Variants in MTHFSD observed in about 807,000 individuals in gnomAD.
The protein encoded by MTHFSD is methenyltetrahydrofolate synthase domain-containing protein.
MTHFSD carries 37 observed loss-of-function variants against 31.1 expected under a neutral mutation model. That is an observed-to-expected ratio of 1.19 (90% CI 0.91 to 1.56). The LOEUF is 1.56. Among genes scored for constraint, MTHFSD ranks in the 40% most tolerant of loss-of-function variants. The pLI is 0.00. For missense variants in MTHFSD, 664 were observed against 510.1 expected (o/e 1.30, Z -2.91); for synonymous variants, 221 against 206.9 (o/e 1.07, Z -0.59).
intron 7 of MTHFSD, chr16:86,541,169 A>G (rs1188673974): frequency 7.8e-7 from 1 of 1,289,464 alleles, no homozygotes; most frequent in Non-Finnish European, 1.0e-6. Context: ...CCTACTGCAG[A>G]CTAATTTGCA....
intron 2 of MTHFSD, chr16:86,552,400 C>G (rs1298872580): frequency 4.5e-6 from 4 of 889,646 alleles, no homozygotes; most frequent in Admixed American, 3.0e-5. Context: ...CTAACAGTCA[C>G]CCAAAGAAAC....
chr16:86,534,578 TTG>T (rs1265393501), intron 7 of MTHFSD, among the ~76,000 whole-genome samples: 1 of 152,232 alleles, frequency 6.6e-6, no homozygotes, highest in Admixed American at 6.5e-5. Context: ...GTTCAGGCTT[TTG>T]TGTTTTTTTT....
Position 86,548,754 on chromosome 16 carries a change from G to A in MTHFSD, c.238-177C>T, listed in dbSNP as rs114524525. 6.4e-3 allele frequency among the ~76,000 whole-genome samples: 971 copies of A among 152,260 alleles called. 15 individuals are homozygous for A. The highest frequency in any genetic ancestry group is 0.023 in the African/African-American group (936 of 41,556). ...ACCTAATTAAATAATGTGTGGGGTC[G>A]ATTTTTCTTAGAATCACCACTCGGC... On this transcript the variant is annotated intron_variant, in intron 3 of 7. Coordinates refer to ENST00000360900, the MANE Select transcript of MTHFSD (RefSeq NM_001159377.2).
At chr16:86,547,978 C>T in intron 4 of MTHFSD, 1 of 1,197,904 alleles carries the variant, frequency 8.3e-7, no homozygotes, top group Non-Finnish European at 1.1e-6. Flanking sequence ...CTTGGTTTTA[C>T]TAAATTGTGA....
chr16:86,551,040 T>A (rs1374268130), intron 3 of MTHFSD, among the ~76,000 whole-genome samples: 3 of 152,254 alleles, frequency 2.0e-5, no homozygotes, highest in African/African-American at 7.2e-5. Flanking sequence ...ACTCATGTTA[T>A]CAGCTGCGAT....
intron 5 of MTHFSD, among the ~76,000 whole-genome samples, chr16:86,544,273 T>A (rs1382575445): frequency 6.6e-6 from 1 of 152,074 alleles, no homozygotes; most frequent in Non-Finnish European, 1.5e-5. Flanking sequence ...AAAGAAACTA[T>A]CATCAGAGTG....
At position 86,546,624 on chromosome 16, in the gene MTHFSD, A is replaced by G. The variant is rs760747745; in HGVS notation, c.377T>C (p.Ile126Thr). 1.2e-6 allele frequency: 2 copies of G among 1,613,790 alleles called. No individual in the cohort carries two copies. The highest frequency in any genetic ancestry group is 1.7e-5 in the Admixed American group (1 of 59,996). ...CACGAGGACTCTGGAGTCCAAGCCT[A>G]TGGGGACACTGTAGTTCCTCACACC... ...SQGVRNYSVP[I>T]GLDSRVLVDL... is the part of the protein sequence containing the mutation. The change falls in exon 5 of 8, where the codon ATA becomes ACA. Residue 126 changes from isoleucine (I) to threonine (T), a missense_variant. By Grantham distance (89) the Ile-to-Thr change is moderately conservative (BLOSUM62 -1). Transcript: ENST00000360900.
At chr16:86,547,861 T>C (rs1972561215) in intron 4 of MTHFSD, among the ~76,000 whole-genome samples, 1 of 152,218 alleles carries the variant, frequency 6.6e-6, no homozygotes, top group Non-Finnish European at 1.5e-5. Flanking sequence ...AAAAATTAAA[T>C]GACTTGGAGT....
intron 7 of MTHFSD, among the ~76,000 whole-genome samples, chr16:86,538,057 TG>T (rs879336597): frequency 7.2e-5 from 11 of 152,202 alleles, no homozygotes; most frequent in Non-Finnish European, 1.3e-4. Flanking sequence ...CTCTGGTTTG[TG>T]GGTCTGGTGA....
rs1971726547 is a variant in MTHFSD, at chr16:86,542,925, C to T, written c.443-712G>A. ...AAGCTACAATTCCGCTTATGAGAAG[C>T]CTGAGGCACTTCAGAAACTGAGGCC... is the stretch of plus-strand genomic sequence containing the variant. On this transcript the variant is annotated intron_variant, in intron 5 of 7. Transcript: ENST00000360900. The surrounding 1 kb of genome is among the most constrained non-coding windows in gnomAD (Gnocchi z 4.6). Among the ~76,000 whole-genome samples the T allele has an allele frequency of 6.6e-6, 1 of 152,180 alleles. No homozygotes were observed. Among genetic ancestry groups the T allele is most frequent in the African/African-American group, 2.4e-5 (1 of 41,440 alleles).
At chr16:86,545,102 AT>A (rs1260223736) in intron 5 of MTHFSD, among the ~76,000 whole-genome samples, 1 of 152,196 alleles carries the variant, frequency 6.6e-6, no homozygotes, top group African/African-American at 2.4e-5. Flanking sequence ...TAGCTAATGC[AT>A]GCTGGGCTTA....
Position 86,552,053 on chromosome 16 carries a change from C to T in MTHFSD, c.217G>A (p.Val73Ile), listed in dbSNP as rs369108681. ...ATTACCTGCAGCACCAGCAGCCGAA[C>T]GCCTTCCAGTGGTTTATCAGGGTCC... Reference protein sequence around the residue: ...KVDPDKPLEGVRLLVLQSKKT... With the variant: ...KVDPDKPLEGIRLLVLQSKKT... The change falls in exon 3 of 8, where the codon GTT becomes ATT. Residue 73 changes from valine (V) to isoleucine (I), a missense_variant. Val to Ile is a conservative substitution (Grantham distance 29). Coordinates refer to ENST00000360900, the MANE Select transcript of MTHFSD (RefSeq NM_001159377.2). 27 of 1,614,212 alleles carry T rather than the reference C, an allele frequency of 1.7e-5. No homozygotes were observed. The highest frequency in any genetic ancestry group is 2.2e-5 in the East Asian group (1 of 44,882).
At chr16:86,551,536 A>T in intron 3 of MTHFSD, among the ~76,000 whole-genome samples, 1 of 152,252 alleles carries the variant, frequency 6.6e-6, no homozygotes. Context: ...GCATGCCTGA[A>T]TTTAAAAAGT....
intron 5 of MTHFSD, among the ~76,000 whole-genome samples, chr16:86,545,522 G>C (rs1429191931): frequency 6.6e-6 from 1 of 152,002 alleles, no homozygotes; most frequent in Non-Finnish European, 1.5e-5. Context: ...AGGCTGCTGA[G>C]AAGGGGCCGC....
intron 2 of MTHFSD, 66 bp downstream of exon 2, chr16:86,554,579 T>C (rs1381247965): frequency 8.5e-7 from 1 of 1,182,916 alleles, no homozygotes; most frequent in Non-Finnish European, 1.3e-6. Flanking sequence ...GAGAATTTTA[T>C]TACTAGTGTT....
At chr16:86,548,923 G>T (rs1328391336) in intron 3 of MTHFSD, among the ~76,000 whole-genome samples, 1 of 152,132 alleles carries the variant, frequency 6.6e-6, no homozygotes, top group South Asian at 2.1e-4. Flanking sequence ...CAACTTTCCT[G>T]TGCCCCCTCT....
intron 7 of MTHFSD, chr16:86,535,209 G>GGT (rs397824095): frequency 1.0e-6 from 1 of 984,694 alleles, no homozygotes; most frequent in Admixed American, 6.1e-5. Context: ...ATCCGCAGGG[G>GGT]CCGTTAGAAT....
At position 86,550,259 on chromosome 16, in the gene MTHFSD, T is replaced by A. The variant is rs1192551197; in HGVS notation, c.238-1682A>T. On this transcript the variant is annotated intron_variant, in intron 3 of 7. Transcript: ENST00000360900. ...GAACTCAGGGACCACATGTGTGTAG[T>A]CTTGCACCACTACATCCTATGCCCA... Among the ~76,000 whole-genome samples the A allele has an allele frequency of 5.3e-5, 8 of 152,178 alleles. No individual in the cohort carries two copies. In the South Asian group the frequency reaches 1.7e-3, roughly 32 times the overall value.
chr16:86,552,126 T>C lies in MTHFSD; in HGVS notation c.144A>G (p.Gln48=). ...CAAAAACGTCTAGGTCTTTGATGTTTTGGCAAGCCAGATAAGACCCCTAGT... is the reference window on the plus strand; with the variant it reads ...CAAAAACGTCTAGGTCTTTGATGTTCTGGCAAGCCAGATAAGACCCCTAGT... The part of the protein sequence containing the change: ...PNFKGSYLAC[Q]NIKDLDVFAR... The change falls in exon 3 of 8, where the codon CAA becomes CAG. Residue 48 remains glutamine, a synonymous_variant. Coordinates refer to ENST00000360900, the MANE Select transcript of MTHFSD (RefSeq NM_001159377.2). 2 of 1,614,210 alleles carry C rather than the reference T, an allele frequency of 1.2e-6. No homozygotes were observed. The highest frequency in any genetic ancestry group is 1.7e-6 in the Non-Finnish European group (2 of 1,180,042).
Sources: allele counts gnomAD v4.1 joint callset (sites outside exome capture counted in the v4.1 genomes callset), GRCh38; gene constraint gnomAD v4.1.1; non-coding constraint Gnocchi (gnomAD v3.1); transcripts MANE v1.5; gene names NCBI Gene and HGNC (gene_info 2026-07-23, HGNC 2026-07-21).